GFOD2: variants seen among roughly 807,000 people sequenced by gnomAD.
The protein encoded by GFOD2 is glucose-fructose oxidoreductase domain-containing protein 2.
Under a neutral mutation model 24.6 loss-of-function variants are expected in GFOD2, and 9 were observed. That is an observed-to-expected ratio of 0.37 (90% CI 0.22 to 0.64). The LOEUF (loss-of-function observed/expected upper bound fraction) is 0.64. Ranked by LOEUF, GFOD2 falls within the 30% of genes least tolerant of loss-of-function variation. The pLI is 0.65. For synonymous variants in GFOD2, 211 were observed against 224.8 expected (o/e 0.94, Z 0.55); for missense variants, 476 against 532.5 (o/e 0.89, Z 1.04).
Position 67,685,703 on chromosome 16 carries a change from G to C in GFOD2, c.13C>G (p.Pro5Ala). 1 of 1,611,112 alleles carries C rather than the reference G, an allele frequency of 6.2e-7. No homozygotes were observed. The highest frequency in any genetic ancestry group is 8.5e-7 in the Non-Finnish European group (1 of 1,178,974). The change falls in exon 2 of 3, where the codon CCA becomes GCA. Residue 5 changes from proline (P) to alanine (A), a missense_variant. Pro to Ala is a conservative substitution (Grantham distance 27, BLOSUM62 -1). Transcript: ENST00000268797. ...CCAGTCCCAAACACGCCCACTCCTG[G>C]CAGCATCTTCATCCCAGCCTCTCTC... The part of the protein sequence containing the change: MKML[P>A]GVGVFGTGSS...
At position 67,675,448 on chromosome 16, in the gene GFOD2, C is replaced by T. The variant is rs146809326; in HGVS notation, c.865G>A (p.Ala289Thr). 74 of 1,612,392 alleles carry T rather than the reference C, an allele frequency of 4.6e-5. No homozygotes were observed. The highest frequency in any genetic ancestry group is 4.5e-4 in the African/African-American group (34 of 75,074). ...LLLRDSLAVG[A>T]GLPEQGPQDV... Reference sequence around the variant, plus strand: ...TGGGGCCCCTGCTCAGGCAGTCCTGCGCCCACTGCCAGCGAGTCCCTCAAG... The same window carrying T: ...TGGGGCCCCTGCTCAGGCAGTCCTGTGCCCACTGCCAGCGAGTCCCTCAAG... Residue 289 changes from alanine to threonine, a missense_variant, in exon 3 of 3, where the codon GCA becomes ACA. By Grantham distance (58) the Ala-to-Thr change is moderately conservative. Coordinates refer to ENST00000268797, the MANE Select transcript of GFOD2 (RefSeq NM_030819.4).
intron 2 of GFOD2, among the ~76,000 whole-genome samples, chr16:67,678,577 G>A (rs935569786): frequency 6.6e-6 from 1 of 152,138 alleles, no homozygotes; most frequent in Admixed American, 6.5e-5. Flanking sequence ...TCAATTACTG[G>A]TGCTGGACTC....
chr16:67,706,114 T>C (rs1165906955), intron 1 of GFOD2, among the ~76,000 whole-genome samples: 5 of 151,422 alleles, frequency 3.3e-5, no homozygotes, highest in African/African-American at 1.2e-4. Flanking sequence ...GTAGCTGGGA[T>C]TACAGACGCG....
At chr16:67,702,485 T>A (rs924555541) in intron 1 of GFOD2, among the ~76,000 whole-genome samples, 21 of 150,836 alleles carry the variant, frequency 1.4e-4, no homozygotes, top group African/African-American at 4.9e-4. Context: ...AAAAAAAAAA[T>A]TTACAATTTG....
chr16:67,718,667 G>T (rs1473129103), intron 1 of GFOD2, among the ~76,000 whole-genome samples: 1 of 152,172 alleles, frequency 6.6e-6, no homozygotes, highest in Admixed American at 6.5e-5. Flanking sequence ...CTTCTGGGGT[G>T]TCCCTTCTTC....
intron 2 of GFOD2, chr16:67,685,229 G>C: frequency 7.0e-7 from 1 of 1,426,560 alleles, no homozygotes; most frequent in Non-Finnish European, 9.1e-7. Flanking sequence ...CTGTCTCTTA[G>C]AGTATTTCCT....
chr16:67,710,902 C>T (rs1272514151), intron 1 of GFOD2, among the ~76,000 whole-genome samples: 1 of 152,098 alleles, frequency 6.6e-6, no homozygotes, highest in Non-Finnish European at 1.5e-5. Context: ...GTACCTATAC[C>T]TGCCGCCATG....
At chr16:67,695,271 A>G (rs1042190580) in intron 1 of GFOD2, among the ~76,000 whole-genome samples, 1 of 152,062 alleles carries the variant, frequency 6.6e-6, no homozygotes, top group African/African-American at 2.4e-5. Context: ...TGCTGGGATT[A>G]CAGGCATGAG....
At chr16:67,687,449 A>G (rs1439690554) in intron 1 of GFOD2, among the ~76,000 whole-genome samples, 4 of 151,698 alleles carry the variant, frequency 2.6e-5, no homozygotes, top group African/African-American at 7.3e-5. Context: ...GACCATCCTC[A>G]CTAACACAGT....
Position 67,712,959 on chromosome 16 carries a change from G to A in GFOD2, c.-88+6204C>T, listed in dbSNP as rs1254696285. ...CCGCCCTGTCTGGGATGTGAGGAGC[G>A]CCTCTGCTGGGCGCTCAAGTTCAAG... On this transcript the variant is annotated intron_variant, in intron 1 of 2. Coordinates refer to ENST00000268797, the MANE Select transcript of GFOD2 (RefSeq NM_030819.4). 5.0e-5 allele frequency among the ~76,000 whole-genome samples: 5 copies of A among 100,758 alleles called. 1 individual carries two copies. Among genetic ancestry groups the A allele is most frequent in the Non-Finnish European group, 9.0e-5 (5 of 55,452 alleles). The allele number at this position is 100,758 out of a possible 152,430, so 66.1% of individuals were successfully genotyped here.
Position 67,676,062 on chromosome 16 carries a change from A to G in GFOD2, c.260-9T>C. The G allele has an allele frequency of 6.3e-7, 1 of 1,579,568 alleles. No homozygotes were observed. The highest frequency in any genetic ancestry group is 8.6e-7 in the Non-Finnish European group (1 of 1,159,458). On this transcript the variant is annotated splice_polypyrimidine_tract_variant and intron_variant, in intron 2 of 2. Transcript: ENST00000268797. Reference sequence around the variant, plus strand: ...CACATTCTTCCCAATACCTAACAACAGGACACAACAGGAAATCTCAAAGTT... The same window carrying G: ...CACATTCTTCCCAATACCTAACAACGGGACACAACAGGAAATCTCAAAGTT...
chr16:67,685,999 T>C (rs2053263514), intron 1 of GFOD2, among the ~76,000 whole-genome samples, 197 bp from the exon 2 acceptor site: 1 of 152,144 alleles, frequency 6.6e-6, no homozygotes, highest in Non-Finnish European at 1.5e-5. Context: ...CCAGGCATGG[T>C]GGCTCATGCA....
At chr16:67,716,468 C>T (rs562441322) in intron 1 of GFOD2, among the ~76,000 whole-genome samples, 14 of 152,198 alleles carry the variant, frequency 9.2e-5, no homozygotes, top group African/African-American at 3.1e-4. Flanking sequence ...AAAACTCACA[C>T]AAATCCACAG....
chr16:67,707,107 C>G (rs895092331), intron 1 of GFOD2, among the ~76,000 whole-genome samples: 1 of 150,754 alleles, frequency 6.6e-6, no homozygotes, highest in Non-Finnish European at 1.5e-5. Context: ...GCCTGTAATC[C>G]CAGCACTGTG....
rs751394953 is a variant in GFOD2 at position 67,675,500 on chromosome 16, C to T, written c.813G>A (p.Lys271=). The T allele has an allele frequency of 1.7e-5, 27 of 1,612,330 alleles. No homozygotes were observed. In the South Asian group the frequency reaches 3.0e-4, roughly 18 times the overall value. Residue 271 remains lysine (K), a synonymous_variant, in exon 3 of 3, where the codon AAG becomes AAA. Coordinates refer to ENST00000268797, the MANE Select transcript of GFOD2 (RefSeq NM_030819.4). ...VARGADLYGQ[K]NSATQEELLL... is the part of the protein sequence containing the mutation. The stretch of plus-strand genomic sequence containing the variant: ...GCAGCTCCTCTTGCGTGGCAGAGTT[C>T]TTCTGCCCATAGAGGTCGGCTCCCC...
chr16:67,699,593 C>T (rs1253860799), intron 1 of GFOD2, among the ~76,000 whole-genome samples: 1 of 151,926 alleles, frequency 6.6e-6, no homozygotes, highest in Non-Finnish European at 1.5e-5. Flanking sequence ...AGGTGATTCT[C>T]GTGCCTCAGC....
intron 1 of GFOD2, among the ~76,000 whole-genome samples, chr16:67,686,939 G>C (rs985225354): frequency 6.6e-6 from 1 of 151,520 alleles, no homozygotes; most frequent in Non-Finnish European, 1.5e-5. Flanking sequence ...TTGAGGTCAG[G>C]AGTTCGAGAC....
intron 1 of GFOD2, among the ~76,000 whole-genome samples, chr16:67,689,832 C>T (rs1181993423): frequency 2.0e-5 from 3 of 152,100 alleles, no homozygotes; most frequent in Admixed American, 2.0e-4. Flanking sequence ...TAATAACTTC[C>T]CATTCCCACT....
intron 1 of GFOD2, among the ~76,000 whole-genome samples, chr16:67,697,137 G>A (rs999700301): frequency 2.0e-5 from 3 of 152,162 alleles, no homozygotes; most frequent in Admixed American, 6.6e-5. Flanking sequence ...ATTTGACAAG[G>A]CCTTGCCTGG....
Sources: gnomAD v4.1 joint callset for allele counts (sites outside exome capture counted in the v4.1 genomes callset) on GRCh38, gnomAD v4.1.1 for gene constraint, MANE v1.5 for transcripts, NCBI Gene and HGNC (gene_info 2026-07-23, HGNC 2026-07-21) for gene names.